ALPL: variants seen among roughly 807,000 people sequenced by gnomAD.
ALPL encodes alkaline phosphatase, biomineralization associated.
ALPL carries 42 observed loss-of-function variants against 51.3 expected under a neutral mutation model. That is an observed-to-expected ratio of 0.82 (90% CI 0.64 to 1.06). ALPL has a LOEUF of 1.06. ALPL is among the 50% of genes least tolerant of loss of function. ALPL has a pLI of 0.00. For synonymous variants in ALPL, 279 were observed against 296.4 expected (o/e 0.94, Z 0.60); for missense variants, 589 against 709.4 (o/e 0.83, Z 1.93).
chr1:21,561,065 C>T (rs770190020), intron 3 of ALPL, 32 bp from the exon 4 acceptor site: 37 of 1,564,564 alleles, frequency 2.4e-5, no homozygotes, highest in Admixed American at 9.0e-5. Context: ...GGCAGGAGCA[C>T]GAGAGACTGA....
chr1:21,521,714 C>T (rs975834932), intron 1 of ALPL, among the ~76,000 whole-genome samples: 1 of 152,190 alleles, frequency 6.6e-6, no homozygotes, highest in Admixed American at 6.5e-5. Context: ...TCCAGTTTTC[C>T]TGTTGGCAGT....
At chr1:21,554,344 A>G (rs996028781) in intron 2 of ALPL, among the ~76,000 whole-genome samples, 2 of 150,632 alleles carry the variant, frequency 1.3e-5, no homozygotes, top group Admixed American at 1.3e-4. Context: ...ATATATACAC[A>G]CATACACATA....
At chr1:21,522,893 C>G (rs527601387) in intron 1 of ALPL, among the ~76,000 whole-genome samples, 19 of 152,270 alleles carry the variant, frequency 1.2e-4, no homozygotes, top group Non-Finnish European at 2.1e-4. Flanking sequence ...ACTGTTCAAG[C>G]AAGTCAGATA....
chr1:21,547,170 CAA>C (rs1644263374), intron 1 of ALPL, among the ~76,000 whole-genome samples: 1 of 152,226 alleles, frequency 6.6e-6, no homozygotes, highest in Admixed American at 6.5e-5. Context: ...AATGAATGAA[CAA>C]AGTTGAATGA....
chr1:21,567,204 C>T (rs1045958377), intron 6 of ALPL, among the ~76,000 whole-genome samples: 1 of 152,340 alleles, frequency 6.6e-6, no homozygotes, highest in African/African-American at 2.4e-5. Flanking sequence ...CCAGGCTCTG[C>T]ACTCCCAAGG....
Position 21,575,819 on chromosome 1 carries a change from G to T in ALPL, c.1084G>T (p.Ala362Ser). The change falls in exon 10 of 12, where the codon GCA (alanine) becomes TCA (serine). Residue 362 changes from alanine (A) to serine (S), a missense_variant. Ala to Ser is a moderately conservative substitution (Grantham distance 99). Transcript: ENST00000374840. ...AVEMDRAIGQ[A>S]GSLTSSEDTL... ...GGAGATGGACCGGGCCATCGGGCAG[G>T]CAGGCAGCTTGACCTCCTCGGAAGA... The T allele has an allele frequency of 6.2e-7, 1 of 1,614,260 alleles. No individual in the cohort carries two copies. Among genetic ancestry groups the T allele is most frequent in the Non-Finnish European group, 8.5e-7 (1 of 1,180,044 alleles).
At chr1:21,511,328 C>T (rs1432713506) in intron 1 of ALPL, among the ~76,000 whole-genome samples, 3 of 152,314 alleles carry the variant, frequency 2.0e-5, no homozygotes, top group South Asian at 2.1e-4. Context: ...TGCTGTGGGA[C>T]CTGGGATCAG....
At chr1:21,528,609 CA>C (rs1251574524) in intron 1 of ALPL, among the ~76,000 whole-genome samples, 40 of 151,834 alleles carry the variant, frequency 2.6e-4, no homozygotes, top group Admixed American at 2.0e-3. Context: ...CTTGACCTCC[CA>C]AAATGCTGGG....
chr1:21,516,040 C>T (rs1643793774), intron 1 of ALPL, among the ~76,000 whole-genome samples: 1 of 152,030 alleles, frequency 6.6e-6, no homozygotes, highest in Non-Finnish European at 1.5e-5. Flanking sequence ...CACCACGCCC[C>T]GCTAATTTTT....
At chr1:21,571,524 T>C (rs1056071714) in intron 8 of ALPL, among the ~76,000 whole-genome samples, 1 of 151,720 alleles carries the variant, frequency 6.6e-6, no homozygotes, top group Non-Finnish European at 1.5e-5. Context: ...TACAAAAAAT[T>C]AGCCTGGCGT....
At chr1:21,554,793 CTGTCTGTCTGT>C (rs1558543616) in intron 2 of ALPL, among the ~76,000 whole-genome samples, 9 of 38,266 alleles carry the variant, frequency 2.4e-4, no homozygotes, top group African/African-American at 7.6e-4. Flanking sequence ...CCTGGCCTGT[CTGTCTGTCTGT>C]CTGTCTGTCT....
chr1:21,515,152 TG>T (rs1444557647), intron 1 of ALPL, among the ~76,000 whole-genome samples: 1 of 152,206 alleles, frequency 6.6e-6, no homozygotes, highest in Non-Finnish European at 1.5e-5. Context: ...TGCAAACTGC[TG>T]GGCAGAGCTC....
At chr1:21,551,638 C>CTTTTAA (rs1362752799) in intron 1 of ALPL, among the ~76,000 whole-genome samples, 1 of 150,308 alleles carries the variant, frequency 6.7e-6, no homozygotes, top group African/African-American at 2.5e-5. Flanking sequence ...GGGATATTGC[C>CTTTTAA]TTTTAATTTC....
In ALPL at chr1:21,573,800, G is replaced by T. The variant is rs1292415045; in HGVS notation, c.997+1G>T. ...AAAGGCTTCTTCTTGCTGGTGGAAGGTAGGGACCCCGGGTCTGCTGAGAGG... is the reference window on the plus strand; with the variant it reads ...AAAGGCTTCTTCTTGCTGGTGGAAGTTAGGGACCCCGGGTCTGCTGAGAGG... On this transcript the variant is annotated splice_donor_variant, in intron 9 of 11. Coordinates refer to ENST00000374840, the MANE Select transcript of ALPL (RefSeq NM_000478.6). LOFTEE classifies it high-confidence loss of function. The T allele has an allele frequency of 1.2e-6, 2 of 1,614,072 alleles. No homozygotes were observed. The highest frequency in any genetic ancestry group is 4.5e-5 in the East Asian group (2 of 44,902).
chr1:21,524,882 G>C (rs1015896220), intron 1 of ALPL, among the ~76,000 whole-genome samples: 1 of 152,214 alleles, frequency 6.6e-6, no homozygotes, highest in Admixed American at 6.5e-5. Flanking sequence ...TGGCGGGGCA[G>C]TCCTGGTGTC....
At chr1:21,536,372 G>C (rs1407068534) in intron 1 of ALPL, among the ~76,000 whole-genome samples, 1 of 152,212 alleles carries the variant, frequency 6.6e-6, no homozygotes, top group Non-Finnish European at 1.5e-5. Context: ...CTAAAGCGCT[G>C]AGAAAAACTG....
rs375512105 is a variant in ALPL, at chr1:21,529,557, C to T, written c.-105+20040C>T. 2.7e-4 allele frequency among the ~76,000 whole-genome samples: 41 copies of T among 152,306 alleles called. 2 individuals are homozygous for T. Among genetic ancestry groups the T allele is most frequent in the African/African-American group, 9.6e-4 (40 of 41,558 alleles). ...ATCCTTCCCTGCTTCCTCCTGGAAG[C>T]GTCCTCAAGCTAATAACTTAGCTCT... is the stretch of plus-strand genomic sequence containing the variant. On this transcript the variant is annotated intron_variant, in intron 1 of 11. Transcript: ENST00000374840.
chr1:21,526,075 A>G (rs565555587), intron 1 of ALPL, among the ~76,000 whole-genome samples: 1 of 152,346 alleles, frequency 6.6e-6, no homozygotes, highest in South Asian at 2.1e-4. Context: ...GATGAGGGAA[A>G]GCATGAGAGG....
At chr1:21,566,220 G>T (rs1644562417) in intron 6 of ALPL, among the ~76,000 whole-genome samples, 1 of 152,192 alleles carries the variant, frequency 6.6e-6, no homozygotes, top group African/African-American at 2.4e-5. Flanking sequence ...GGGTGCTGGG[G>T]ACTTCCCTGG....
Sources: allele counts gnomAD v4.1 joint callset (sites outside exome capture counted in the v4.1 genomes callset), GRCh38; gene constraint gnomAD v4.1.1; transcripts MANE v1.5; gene names NCBI Gene and HGNC (gene_info 2026-07-23, HGNC 2026-07-21).